Variants in NAALADL2 observed in about 807,000 individuals in gnomAD.
NAALADL2 encodes inactive N-acetylated-alpha-linked acidic dipeptidase-like protein 2.
NAALADL2 carries 76 observed loss-of-function variants against 87.2 expected under a neutral mutation model. That is an observed-to-expected ratio of 0.87 (90% CI 0.72 to 1.05). The LOEUF (loss-of-function observed/expected upper bound fraction) is 1.05, where lower values mean the gene tolerates loss of function less well. Among genes scored for constraint, NAALADL2 ranks in the 50% least tolerant of loss-of-function variants. The pLI, the probability that NAALADL2 is intolerant of heterozygous loss-of-function variation, is 0.00. For synonymous variants in NAALADL2, 354 were observed against 331.0 expected (o/e 1.07, Z -0.75); for missense variants, 1,089 against 945.8 (o/e 1.15, Z -1.99).
intron 2 of NAALADL2, among the ~76,000 whole-genome samples, chr3:175,223,140 C>G (rs1164879629): frequency 1.5e-5 from 2 of 134,178 alleles, no homozygotes; most frequent in Non-Finnish European, 3.3e-5. Context: ...GTGGTAAGGA[C>G]ACTGTTCTCT....
At chr3:175,220,666 C>T (rs1005834565) in intron 2 of NAALADL2, among the ~76,000 whole-genome samples, 1 of 151,742 alleles carries the variant, frequency 6.6e-6, no homozygotes, top group African/African-American at 2.4e-5. Flanking sequence ...ATGAGTTTTT[C>T]TTCTGTATAC....
chr3:175,170,678 G>T (rs529232721), intron 2 of NAALADL2, among the ~76,000 whole-genome samples: 1 of 150,952 alleles, frequency 6.6e-6, no homozygotes, highest in Non-Finnish European at 1.5e-5. Context: ...ATAATCATTG[G>T]GACATTGTTT....
intron 4 of NAALADL2, among the ~76,000 whole-genome samples, chr3:175,321,106 A>T (rs1369327806): frequency 6.7e-6 from 1 of 150,340 alleles, no homozygotes; most frequent in Non-Finnish European, 1.5e-5. Context: ...TGGCAACCCG[A>T]ATCCAGCAGC....
At chr3:175,285,099 G>A (rs1166961180) in intron 4 of NAALADL2, among the ~76,000 whole-genome samples, 1 of 152,024 alleles carries the variant, frequency 6.6e-6, no homozygotes, top group Non-Finnish European at 1.5e-5. Context: ...AGAAATATTT[G>A]TTTTCTAGAT....
intron 4 of NAALADL2, among the ~76,000 whole-genome samples, chr3:175,297,283 T>G (rs1312741484): frequency 6.6e-6 from 1 of 152,204 alleles, no homozygotes; most frequent in Non-Finnish European, 1.5e-5. Context: ...ATAGCACTCC[T>G]ATGTTTTATT....
At chr3:174,582,758 T>G (rs899517897) in intron 2 of NAALADL2, among the ~76,000 whole-genome samples, 4 of 152,042 alleles carry the variant, frequency 2.6e-5, no homozygotes, top group African/African-American at 9.7e-5. Context: ...ATTTTTATAT[T>G]TTTTTAGTAG....
intron 13 of NAALADL2, among the ~76,000 whole-genome samples, chr3:175,761,595 C>T (rs972822526): frequency 6.6e-6 from 1 of 151,890 alleles, no homozygotes; most frequent in African/African-American, 2.4e-5. Context: ...TTCCAAGGGG[C>T]TATATCATTT....
chr3:175,734,703 C>G (rs780538903), intron 11 of NAALADL2, among the ~76,000 whole-genome samples: 2 of 152,174 alleles, frequency 1.3e-5, no homozygotes, highest in African/African-American at 2.4e-5. Flanking sequence ...TTCCTTGGCC[C>G]ATTTTAGTCA....
rs573614694 is a variant in NAALADL2, at chr3:174,994,023, A to G, written c.44-102767A>G. Reference sequence around the variant, plus strand: ...TCATTTTAGATCAAGGGCCCACCCTACTGCACTATGACCTCATCTTAACTT... The same window carrying G: ...TCATTTTAGATCAAGGGCCCACCCTGCTGCACTATGACCTCATCTTAACTT... On this transcript the variant is annotated intron_variant, in intron 1 of 13. Transcript: ENST00000454872. Among the ~76,000 whole-genome samples the G allele has an allele frequency of 5.9e-5, 9 of 152,324 alleles. No homozygotes were observed. In the East Asian group the frequency reaches 1.2e-3, roughly 20 times the overall value.
In NAALADL2 at chr3:175,809,312, G is replaced by C. The variant is rs776159298; in HGVS notation, c.*6109G>C. ...CAATTCTATTTAGCATCTGAGATAG[G>C]TCTATATTAGGCAATTTCATGTTTA... is the stretch of plus-strand genomic sequence containing the variant. On this transcript the variant is annotated 3_prime_UTR_variant, in exon 14 of 14. Coordinates refer to ENST00000454872, the MANE Select transcript of NAALADL2 (RefSeq NM_207015.3). 3.3e-5 allele frequency: 5 copies of C among 151,632 alleles called. No homozygotes were observed. The highest frequency in any genetic ancestry group is 7.4e-5 in the Non-Finnish European group (5 of 67,876). 9.4% of individuals were successfully genotyped at this position (151,632 alleles called of 1,614,324 possible).
At chr3:174,721,768 C>T (rs1293201664) in intron 2 of NAALADL2, among the ~76,000 whole-genome samples, 2 of 152,086 alleles carry the variant, frequency 1.3e-5, no homozygotes, top group Non-Finnish European at 2.9e-5. Flanking sequence ...CCCAGAATAC[C>T]GCAGGGTCAC....
At position 175,094,712 on chromosome 3, in the gene NAALADL2, C is replaced by T. The variant is rs1720796730; in HGVS notation, c.44-2078C>T. 3.4e-5 allele frequency among the ~76,000 whole-genome samples: 5 copies of T among 145,246 alleles called. No individual in the cohort carries two copies. In the South Asian group the frequency reaches 6.5e-4, roughly 19 times the overall value. Reference sequence around the variant, plus strand: ...AACATGGTGATTTTTATATTTTAATCTCTACACATAGACTAAATGTTAAAA... The same window carrying T: ...AACATGGTGATTTTTATATTTTAATTTCTACACATAGACTAAATGTTAAAA... On this transcript the variant is annotated intron_variant, in intron 1 of 13. Transcript: ENST00000454872.
At chr3:175,011,246 G>A (rs1298344471) in intron 1 of NAALADL2, among the ~76,000 whole-genome samples, 3 of 131,466 alleles carry the variant, frequency 2.3e-5, no homozygotes, top group African/African-American at 1.1e-4. Flanking sequence ...GAGAGAGGGA[G>A]AGAGACAGAG....
chr3:175,428,607 T>C (rs1463557767), intron 5 of NAALADL2, among the ~76,000 whole-genome samples: 2 of 152,086 alleles, frequency 1.3e-5, no homozygotes, highest in African/African-American at 4.8e-5. Flanking sequence ...CCTGCATCTT[T>C]TCAATCTGTC....
chr3:175,064,930 T>C (rs893819406), intron 1 of NAALADL2, among the ~76,000 whole-genome samples: 1 of 152,150 alleles, frequency 6.6e-6, no homozygotes, highest in Admixed American at 6.6e-5. Flanking sequence ...CCTTAAGATA[T>C]GATTAAATAA....
chr3:175,387,821 A>T (rs73186707), intron 5 of NAALADL2, among the ~76,000 whole-genome samples: 11,172 of 152,128 alleles, frequency 0.073, 477 homozygotes, highest in Non-Finnish European at 0.089. Flanking sequence ...TATTTATTAT[A>T]TGCAGGATCT....
At chr3:174,714,497 T>C (rs1730993746) in intron 2 of NAALADL2, among the ~76,000 whole-genome samples, 1 of 152,220 alleles carries the variant, frequency 6.6e-6, no homozygotes, top group Admixed American at 6.5e-5. Flanking sequence ...TTTGTAGTTC[T>C]CCTTGAAGAG....
chr3:175,737,186 T>C, intron 11 of NAALADL2, 120 bp from the exon 12 acceptor site: 1 of 619,282 alleles, frequency 1.6e-6, no homozygotes, highest in Non-Finnish European at 2.8e-6. Flanking sequence ...TAAAACTATA[T>C]TATTCCTGTG....
chr3:175,142,855 G>C (rs1426317368), intron 2 of NAALADL2, among the ~76,000 whole-genome samples: 1 of 151,918 alleles, frequency 6.6e-6, no homozygotes, highest in Non-Finnish European at 1.5e-5. Context: ...ATGAATACCT[G>C]TCATTAGTAT....
Sources: gnomAD v4.1 joint callset for allele counts (sites outside exome capture counted in the v4.1 genomes callset) on GRCh38, gnomAD v4.1.1 for gene constraint, MANE v1.5 for transcripts, NCBI Gene and HGNC (gene_info 2026-07-23, HGNC 2026-07-21) for gene names.